The following CAMKMT variants were observed in gnomAD, a reference collection of about 807,000 sequenced individuals.
CAMKMT encodes the protein CaM KMT.
CAMKMT carries 53 observed loss-of-function variants against 48.0 expected under a neutral mutation model. The observed-to-expected ratio is 1.10, with a 90% CI of 0.89 to 1.39. The LOEUF (loss-of-function observed/expected upper bound fraction) is 1.39, where lower values mean the gene tolerates loss of function less well. Among genes scored for constraint, CAMKMT ranks in the 40% most tolerant of loss-of-function variants. CAMKMT has a pLI of 0.00. For missense variants in CAMKMT, 428 were observed against 402.7 expected, an observed-to-expected ratio of 1.06 and a Z score of -0.54; for synonymous variants, 165 against 152.3, an observed-to-expected ratio of 1.08 and a Z score of -0.61.
intron 3 of CAMKMT, among the ~76,000 whole-genome samples, chr2:44,443,893 C>T (rs1666824971): frequency 6.6e-6 from 1 of 152,060 alleles, no homozygotes; most frequent in Non-Finnish European, 1.5e-5. Flanking sequence ...TCTAATGGCA[C>T]AGAATTGGGC....
At chr2:44,515,191 T>G (rs1376817351) in intron 3 of CAMKMT, among the ~76,000 whole-genome samples, 3 of 152,178 alleles carry the variant, frequency 2.0e-5, no homozygotes, top group Non-Finnish European at 4.4e-5. Context: ...GCCTCATTTG[T>G]GTTTTGAATT....
chr2:44,765,530 T>TA (rs1558842715), intron 9 of CAMKMT, among the ~76,000 whole-genome samples: 142 of 145,928 alleles, frequency 9.7e-4, no homozygotes, highest in African/African-American at 3.3e-3. Context: ...ATTTTTTTTT[T>TA]TAAAAAAAAA....
intron 3 of CAMKMT, among the ~76,000 whole-genome samples, chr2:44,576,458 C>G (rs1034069543): frequency 6.6e-6 from 1 of 152,042 alleles, no homozygotes; most frequent in African/African-American, 2.4e-5. Context: ...TCAGTAGCCT[C>G]AATATATTTC....
chr2:44,642,883 A>C (rs1673523474), intron 3 of CAMKMT, among the ~76,000 whole-genome samples: 2 of 152,202 alleles, frequency 1.3e-5, no homozygotes, highest in South Asian at 4.1e-4. Context: ...AAGATAGAAC[A>C]TACAATTACC....
chr2:44,378,948 C>T lies in CAMKMT; in HGVS notation c.311+6060C>T, dbSNP rs1477554773. The stretch of plus-strand genomic sequence containing the variant: ...ATAACAAAATTTGCTATTTTAATCA[C>T]TTTAAAGTATGCAATTCAGTGGTTT... On this transcript the variant is annotated intron_variant, in intron 2 of 10. Coordinates refer to ENST00000378494, the MANE Select transcript of CAMKMT (RefSeq NM_024766.5). 3.9e-5 allele frequency among the ~76,000 whole-genome samples: 6 copies of T among 152,276 alleles called. No individual in the cohort carries two copies. In the South Asian group the frequency reaches 8.3e-4, roughly 21 times the overall value.
intron 3 of CAMKMT, among the ~76,000 whole-genome samples, chr2:44,617,156 C>T (rs1671939713): frequency 6.6e-6 from 1 of 152,174 alleles, no homozygotes; most frequent in South Asian, 2.1e-4. Context: ...CAGAGGTGGA[C>T]ACATTTGTCT....
chr2:44,599,439 T>C (rs1319931349), intron 3 of CAMKMT, among the ~76,000 whole-genome samples: 1 of 152,120 alleles, frequency 6.6e-6, no homozygotes, highest in East Asian at 1.9e-4. Context: ...ATCCTTTCAA[T>C]GAATGAGCTG....
At chr2:44,616,538 A>T (rs2341463) in intron 3 of CAMKMT, among the ~76,000 whole-genome samples, 92,294 of 151,088 alleles carry the variant, frequency 0.61, 28,585 homozygotes, top group Middle Eastern at 0.7. Flanking sequence ...TTAACAATAT[A>T]TTTTTTTGAT....
chr2:44,614,316 A>G (rs1403618901), intron 3 of CAMKMT, among the ~76,000 whole-genome samples: 1 of 152,198 alleles, frequency 6.6e-6, no homozygotes, highest in Non-Finnish European at 1.5e-5. Flanking sequence ...GGAACACAAA[A>G]CTGACTGAAA....
rs1328266848 is a variant in CAMKMT, at chr2:44,766,477, G to T, written c.810G>T (p.Gln270His). 6.2e-6 allele frequency: 10 copies of T among 1,614,038 alleles called. No individual in the cohort carries two copies. Among genetic ancestry groups the T allele is most frequent in the Non-Finnish European group, 7.6e-6 (9 of 1,180,028 alleles). The change falls in exon 10 of 11, where the codon CAG becomes CAT. Residue 270 changes from glutamine to histidine, a missense_variant. Coordinates refer to ENST00000378494, the MANE Select transcript of CAMKMT (RefSeq NM_024766.5). ...FAPRRGNTLN[Q>H]FCNLAEKAGF... ...CACGCCGAGGGAATACTTTAAACCA[G>T]TTTTGCAATCTAGCTGAAAAAGCTG...
intron 3 of CAMKMT, among the ~76,000 whole-genome samples, chr2:44,426,602 G>C (rs1432782274): frequency 6.6e-6 from 1 of 152,036 alleles, no homozygotes; most frequent in Non-Finnish European, 1.5e-5. Context: ...ACATACCTAG[G>C]AATACTTGTA....
At chr2:44,667,828 C>A (rs192280355) in intron 3 of CAMKMT, among the ~76,000 whole-genome samples, 14 of 152,334 alleles carry the variant, frequency 9.2e-5, no homozygotes, top group Non-Finnish European at 1.6e-4. Flanking sequence ...CACTCCAACA[C>A]CGTTTACGTT....
chr2:44,762,633 G>A (rs1203009092), intron 9 of CAMKMT, among the ~76,000 whole-genome samples: 1 of 152,128 alleles, frequency 6.6e-6, no homozygotes, highest in Non-Finnish European at 1.5e-5. Context: ...TGTGCCACAT[G>A]TACTCTAAAA....
At chr2:44,707,523 A>G in intron 6 of CAMKMT, 61 bp downstream of exon 6, 1 of 1,414,984 alleles carries the variant, frequency 7.1e-7, no homozygotes, top group Non-Finnish European at 9.9e-7. Context: ...TGGCTGAGTA[A>G]CAATTGATAT....
intron 1 of CAMKMT, among the ~76,000 whole-genome samples, chr2:44,365,697 G>A (rs1243013364): frequency 2.0e-5 from 3 of 152,180 alleles, no homozygotes; most frequent in African/African-American, 4.8e-5. Context: ...CCTACCCTGT[G>A]GCAGGTAAGG....
intron 7 of CAMKMT, among the ~76,000 whole-genome samples, chr2:44,722,176 CTTTTTT>C (rs11323950): frequency 8.7e-6 from 1 of 115,458 alleles, no homozygotes; most frequent in South Asian, 2.8e-4. Context: ...TTTCTTTTTT[CTTTTTT>C]TTTTTTTTTT....
At position 44,536,959 on chromosome 2, in the gene CAMKMT, T is replaced by C. The variant is rs191839824; in HGVS notation, c.376+146654T>C. 1.2e-3 allele frequency among the ~76,000 whole-genome samples: 190 copies of C among 152,116 alleles called. 1 individual carries two copies. Among genetic ancestry groups the C allele is most frequent in the Middle Eastern group, 3.4e-3 (1 of 294 alleles). ...GTACTGGGAAAGCTGGATATTTATA[T>C]GCAGAAGAATGAAACTGGACCCATA... is the stretch of plus-strand genomic sequence containing the variant. On this transcript the variant is annotated intron_variant, in intron 3 of 10. Coordinates refer to ENST00000378494, the MANE Select transcript of CAMKMT (RefSeq NM_024766.5).
At chr2:44,646,209 A>AATG (rs1673721234) in intron 3 of CAMKMT, among the ~76,000 whole-genome samples, 1 of 152,230 alleles carries the variant, frequency 6.6e-6, no homozygotes, top group South Asian at 2.1e-4. Context: ...GAAGCTATTA[A>AATG]CAGTTTAGCA....
At chr2:44,730,426 T>A (rs1293173374) in intron 7 of CAMKMT, among the ~76,000 whole-genome samples, 1 of 152,248 alleles carries the variant, frequency 6.6e-6, no homozygotes, top group African/African-American at 2.4e-5. Flanking sequence ...CGAATATGAC[T>A]GTATGTTCCT....
Sources: allele counts gnomAD v4.1 joint callset (sites outside exome capture counted in the v4.1 genomes callset), GRCh38; gene constraint gnomAD v4.1.1; transcripts MANE v1.5; gene names NCBI Gene and HGNC (gene_info 2026-07-23, HGNC 2026-07-21).